Variants in TMEFF2 observed in about 807,000 individuals in gnomAD.
TMEFF2 encodes tomoregulin-2.
A neutral mutation model predicts 53.8 loss-of-function variants in TMEFF2; 28 were observed. The observed-to-expected ratio is 0.52, with a 90% CI of 0.39 to 0.71. TMEFF2 has a LOEUF of 0.71. Ranked by LOEUF, TMEFF2 falls within the 30% of genes least tolerant of loss-of-function variation. The pLI, the probability that TMEFF2 is intolerant of heterozygous loss-of-function variation, is 0.00. For synonymous variants in TMEFF2, 162 were observed against 166.3 expected (o/e 0.97, Z 0.20); for missense variants, 353 against 455.2 (o/e 0.78, Z 2.04).
intron 7 of TMEFF2, among the ~76,000 whole-genome samples, chr2:191,983,751 C>T (rs1337406541): frequency 6.6e-6 from 1 of 152,120 alleles, no homozygotes; most frequent in Non-Finnish European, 1.5e-5. Context: ...TATTAAGAAC[C>T]ACTCAAAGGA....
chr2:192,194,447 G>T lies in TMEFF2; in HGVS notation c.78C>A (p.Pro26=). The part of the protein sequence containing the change: ...CEGFCWLLLL[P]VMLLIVARPV... ...GGCGGGCTACGATGAGTAGCATGAC[G>T]GGCAGCAGCAGCAGCCAGCAAAAGC... is the stretch of plus-strand genomic sequence containing the variant. Residue 26 remains proline (P), a synonymous_variant, in exon 1 of 10, where the codon CCC becomes CCA. Transcript: ENST00000272771. The surrounding 1 kb of genome is among the most constrained non-coding windows in gnomAD (Gnocchi z 4.2). 6.2e-7 allele frequency: 1 copy of T among 1,614,074 alleles called. No homozygotes were observed. The highest frequency in any genetic ancestry group is 8.5e-7 in the Non-Finnish European group (1 of 1,180,006).
intron 4 of TMEFF2, among the ~76,000 whole-genome samples, chr2:192,145,602 C>T (rs1020366435): frequency 2.6e-5 from 4 of 151,886 alleles, no homozygotes; most frequent in Non-Finnish European, 5.9e-5. Context: ...GGGGATGGCT[C>T]TTCTGCATAA....
At chr2:192,156,723 C>T (rs567495803) in intron 4 of TMEFF2, among the ~76,000 whole-genome samples, 11 of 152,014 alleles carry the variant, frequency 7.2e-5, no homozygotes, top group African/African-American at 1.7e-4. Flanking sequence ...CCGAATTTGG[C>T]GGTTATAAAA....
intron 5 of TMEFF2, among the ~76,000 whole-genome samples, chr2:192,051,501 A>C (rs886635389): frequency 6.6e-6 from 1 of 152,162 alleles, no homozygotes; most frequent in South Asian, 2.1e-4. Flanking sequence ...TTTTTGTTCA[A>C]TTGTCAACCA....
chr2:191,969,576 T>C lies in TMEFF2; in HGVS notation c.746-13198A>G, dbSNP rs566596557. On this transcript the variant is annotated intron_variant, in intron 7 of 9. Transcript: ENST00000272771. ...TCATGAAAGACAAGAAGGATATCCATGAATGGTGTGAAAGGTCAAGCATAA... is the reference window on the plus strand; with the variant it reads ...TCATGAAAGACAAGAAGGATATCCACGAATGGTGTGAAAGGTCAAGCATAA... Among the ~76,000 whole-genome samples the C allele has an allele frequency of 2.2e-4, 33 of 152,256 alleles. No homozygotes were observed. The South Asian group carries it at 6.0e-3, about 28-fold the overall frequency.
At chr2:192,119,020 T>A (rs1689482614) in intron 4 of TMEFF2, among the ~76,000 whole-genome samples, 1 of 152,178 alleles carries the variant, frequency 6.6e-6, no homozygotes. Context: ...AATAAATACA[T>A]ATTTATTGTT....
intron 5 of TMEFF2, among the ~76,000 whole-genome samples, chr2:192,016,479 T>C (rs1686747736): frequency 6.6e-6 from 1 of 152,280 alleles, no homozygotes; most frequent in South Asian, 2.1e-4. Flanking sequence ...AACCGAAACA[T>C]GAGCTGTGAG....
chr2:192,051,555 G>A (rs1427491361), intron 5 of TMEFF2, among the ~76,000 whole-genome samples: 1 of 152,098 alleles, frequency 6.6e-6, no homozygotes, highest in Non-Finnish European at 1.5e-5. Context: ...TTCCTCAGAG[G>A]TGTCTTAATT....
chr2:191,994,434 C>CTT (rs1312971767), intron 7 of TMEFF2, among the ~76,000 whole-genome samples: 5 of 144,018 alleles, frequency 3.5e-5, no homozygotes, highest in African/African-American at 1.0e-4. Flanking sequence ...AAAATATAGC[C>CTT]TTTTTTTTTT....
chr2:192,108,688 A>C (rs1216628566), intron 4 of TMEFF2, among the ~76,000 whole-genome samples: 1 of 151,952 alleles, frequency 6.6e-6, no homozygotes, highest in African/African-American at 2.4e-5. Flanking sequence ...CAGCAATGAC[A>C]CTCCTTGGTG....
At chr2:191,964,358 T>TTC (rs1238599269) in intron 7 of TMEFF2, among the ~76,000 whole-genome samples, 87 of 104,338 alleles carry the variant, frequency 8.3e-4, no homozygotes, top group African/African-American at 2.3e-3. Context: ...CTTTCTTTCT[T>TTC]TCTTTCTTTC....
At chr2:192,094,921 TC>T (rs1688869003) in intron 4 of TMEFF2, among the ~76,000 whole-genome samples, 1 of 152,372 alleles carries the variant, frequency 6.6e-6, no homozygotes, top group African/African-American at 2.4e-5. Flanking sequence ...TGTGTTGACA[TC>T]AGTTGGCAAT....
At chr2:192,156,779 C>T (rs1447795901) in intron 4 of TMEFF2, among the ~76,000 whole-genome samples, 2 of 151,928 alleles carry the variant, frequency 1.3e-5, no homozygotes, top group East Asian at 1.9e-4. Context: ...CAGCATATAC[C>T]GTATCTACAG....
At chr2:192,193,736 TGA>T (rs201001713) in intron 1 of TMEFF2, among the ~76,000 whole-genome samples, 114 of 119,320 alleles carry the variant, frequency 9.6e-4, no homozygotes, top group South Asian at 1.6e-3. Context: ...GAGAAGGGAA[TGA>T]GAGAGAGAGA....
chr2:192,114,264 T>G (rs2105958733), intron 4 of TMEFF2, among the ~76,000 whole-genome samples: 1 of 152,112 alleles, frequency 6.6e-6, no homozygotes, highest in South Asian at 2.1e-4. Context: ...TGGATAATAT[T>G]ACCTGTTTCT....
At chr2:192,147,018 TTA>T (rs1690268143) in intron 4 of TMEFF2, among the ~76,000 whole-genome samples, 1 of 152,124 alleles carries the variant, frequency 6.6e-6, no homozygotes, top group South Asian at 2.1e-4. Context: ...AAAGGCATAA[TTA>T]AAATACTCAG....
intron 4 of TMEFF2, among the ~76,000 whole-genome samples, chr2:192,146,529 C>CTT (rs529410195): frequency 6.0e-4 from 92 of 152,094 alleles, no homozygotes; most frequent in African/African-American, 2.1e-3. Flanking sequence ...CAAGTGTCTG[C>CTT]TTAGTCATCA....
chr2:191,982,432 A>G (rs978025977), intron 7 of TMEFF2, among the ~76,000 whole-genome samples: 5 of 151,750 alleles, frequency 3.3e-5, no homozygotes, highest in Non-Finnish European at 5.9e-5. Flanking sequence ...TTTCCCATCT[A>G]CATGGAAATG....
At chr2:192,188,861 A>C (rs569562485) in intron 2 of TMEFF2, among the ~76,000 whole-genome samples, 1 of 149,834 alleles carries the variant, frequency 6.7e-6, no homozygotes. Context: ...CTATCTATCT[A>C]TCTATCTATC....
Sources: allele counts gnomAD v4.1 joint callset (sites outside exome capture counted in the v4.1 genomes callset), GRCh38; gene constraint gnomAD v4.1.1; non-coding constraint Gnocchi (gnomAD v3.1); transcripts MANE v1.5; gene names NCBI Gene and HGNC (gene_info 2026-07-23, HGNC 2026-07-21).